Variants in SCFD1 observed in about 807,000 individuals in gnomAD.
SCFD1 encodes the protein sec1 family domain containing 1.
A neutral mutation model predicts 103.2 loss-of-function variants in SCFD1; 37 were observed. The observed-to-expected ratio is 0.36, with a 90% CI of 0.28 to 0.47. The LOEUF is 0.47. SCFD1 is among the 20% of genes least tolerant of loss of function. The probability of loss-of-function intolerance (pLI) is 1.00; values close to 1 mark genes in which losing one functional copy is unlikely to be tolerated. For missense variants in SCFD1, 639 were observed against 761.2 expected (o/e 0.84, Z 1.89); for synonymous variants, 264 against 245.0 (o/e 1.08, Z -0.73).
chr14:30,721,056 A>C (rs1892616883), intron 21 of SCFD1, among the ~76,000 whole-genome samples: 1 of 152,024 alleles, frequency 6.6e-6, no homozygotes, highest in African/African-American at 2.4e-5. Context: ...TATAAGTCTT[A>C]CCTCTCCTCA....
intron 4 of SCFD1, among the ~76,000 whole-genome samples, chr14:30,634,393 C>A (rs1884495888): frequency 6.6e-6 from 1 of 151,912 alleles, no homozygotes; most frequent in African/African-American, 2.4e-5. Context: ...TTTATAATTG[C>A]TCTATTTTAT....
chr14:30,651,167 A>G (rs2139104224), intron 9 of SCFD1, among the ~76,000 whole-genome samples: 1 of 152,296 alleles, frequency 6.6e-6, no homozygotes, highest in Non-Finnish European at 1.5e-5. Context: ...CTGATTGTTA[A>G]TAGTAATGGA....
intron 6 of SCFD1, among the ~76,000 whole-genome samples, chr14:30,642,862 T>C (rs1208794654): frequency 1.3e-5 from 2 of 152,174 alleles, no homozygotes; most frequent in Non-Finnish European, 2.9e-5. Context: ...TTAACAGATA[T>C]TTATTCATTT....
rs116666751 is a variant in SCFD1, at chr14:30,712,480, A to G, written c.1630-3444A>G. On this transcript the variant is annotated intron_variant, in intron 19 of 24. Transcript: ENST00000458591. The stretch of plus-strand genomic sequence containing the variant: ...AAACACTTCCCTATTTTGGTTATAG[A>G]ACTATATTATATTTCTTAGTTGTCT... Among the ~76,000 whole-genome samples the G allele has an allele frequency of 3.7e-3, 564 of 152,348 alleles. 7 individuals are homozygous for G. Among genetic ancestry groups the G allele is most frequent in the African/African-American group, 0.013 (534 of 41,588 alleles).
rs112203159 is a variant in SCFD1 at position 30,735,573 on chromosome 14, T to C, written c.1906-13T>C. ...TTTAAAAGTTTTATGTATGATTTTG[T>C]GTTTTGTTTTAGTTGTCACAACTTG... On this transcript the variant is annotated splice_polypyrimidine_tract_variant and intron_variant, in intron 24 of 24. Transcript: ENST00000458591. 1.3e-5 allele frequency: 20 copies of C among 1,568,836 alleles called. No individual in the cohort carries two copies. In the African/African-American group the frequency reaches 2.7e-4, roughly 21 times the overall value.
At chr14:30,676,673 T>C (rs577939612) in intron 14 of SCFD1, 1 of 152,218 alleles carries the variant, frequency 6.6e-6, no homozygotes, top group Admixed American at 6.5e-5. Context: ...TTGTGCTTTA[T>C]TGAGGAGGGA....
At chr14:30,690,576 A>G (rs904159577) in intron 14 of SCFD1, among the ~76,000 whole-genome samples, 3 of 137,868 alleles carry the variant, frequency 2.2e-5, no homozygotes, top group African/African-American at 9.2e-5. Flanking sequence ...CCGATTTTCC[A>G]GGTGCGTCCG....
intron 10 of SCFD1, among the ~76,000 whole-genome samples, chr14:30,654,483 G>A (rs940026495): frequency 2.0e-4 from 31 of 152,174 alleles, no homozygotes; most frequent in African/African-American, 7.2e-4. Flanking sequence ...AGACCAGCCT[G>A]GCCAACGTGG....
intron 20 of SCFD1, among the ~76,000 whole-genome samples, chr14:30,716,706 T>G (rs1328819665): frequency 6.6e-6 from 1 of 152,200 alleles, no homozygotes; most frequent in East Asian, 1.9e-4. Flanking sequence ...AGGCTTAGGA[T>G]TCCAATTCTA....
At chr14:30,722,443 G>A (rs757807143) in intron 22 of SCFD1, 51 bp from the exon 23 acceptor site, 1 of 1,346,344 alleles carries the variant, frequency 7.4e-7, no homozygotes, top group Non-Finnish European at 1.0e-6. Flanking sequence ...TTTAGAAGAG[G>A]TTTCAGACTA....
chr14:30,726,324 A>T (rs1893043322), intron 23 of SCFD1, among the ~76,000 whole-genome samples: 1 of 152,188 alleles, frequency 6.6e-6, no homozygotes, highest in Non-Finnish European at 1.5e-5. Flanking sequence ...ACAATTATTA[A>T]TCTAGTTATT....
intron 18 of SCFD1, 81 bp downstream of exon 18, chr14:30,705,966 GA>G: frequency 9.0e-7 from 1 of 1,108,522 alleles, no homozygotes; most frequent in Non-Finnish European, 1.3e-6. Context: ...CACAATGTCT[GA>G]TACTTTGAAT....
intron 23 of SCFD1, among the ~76,000 whole-genome samples, chr14:30,727,685 G>A (rs1893145682): frequency 6.6e-6 from 1 of 151,950 alleles, no homozygotes; most frequent in African/African-American, 2.4e-5. Context: ...TGAGAGTAAA[G>A]ACTTTTCCTC....
At chr14:30,727,401 A>G (rs1024710529) in intron 23 of SCFD1, among the ~76,000 whole-genome samples, 10 of 152,236 alleles carry the variant, frequency 6.6e-5, no homozygotes, top group African/African-American at 2.2e-4. Context: ...GATAAAACCA[A>G]TGGGAGCCAA....
At chr14:30,666,642 G>T (rs969419537) in intron 10 of SCFD1, among the ~76,000 whole-genome samples, 4 of 151,224 alleles carry the variant, frequency 2.6e-5, no homozygotes, top group African/African-American at 9.7e-5. Context: ...CAACAAAATT[G>T]ATAGACTGCT....
chr14:30,721,808 G>A (rs1209442685), intron 21 of SCFD1, 76 bp from the exon 22 acceptor site: 15 of 1,159,554 alleles, frequency 1.3e-5, no homozygotes, highest in Non-Finnish European at 1.9e-5. Context: ...GTGCATGTGT[G>A]TGTATTTCCC....
rs745895798 is a variant in SCFD1 at position 30,639,753 on chromosome 14, G to A, written c.436-24G>A. 11 of 1,546,322 alleles carry A rather than the reference G, an allele frequency of 7.1e-6. No individual in the cohort carries two copies. The South Asian group carries it at 1.2e-4, about 17-fold the overall frequency. On this transcript the variant is annotated intron_variant, in intron 5 of 24. Transcript: ENST00000458591. ...TATGGCTATATTGTAAGATTGATTT[G>A]TAAACCTTTTCTTTTGTTTCTAGGT...
In SCFD1 at chr14:30,649,575, G is replaced by A; in HGVS notation, c.661G>A (p.Val221Ile). 15 of 1,569,606 alleles carry A rather than the reference G, an allele frequency of 9.6e-6. No homozygotes were observed. The highest frequency in any genetic ancestry group is 1.3e-5 in the Non-Finnish European group (15 of 1,165,282). Residue 221 changes from valine to isoleucine, a missense_variant, in exon 8 of 25, where the codon GTA (valine) becomes ATA (isoleucine). Physicochemically the swap from Val to Ile is conservative, Grantham distance 29. Transcript: ENST00000458591. ...RCSRGTAAEM[V>I]AVKLDKKLRE... ...TTCAAGAGGAACAGCAGCAGAAATG[G>A]TAGCAGTGGTAAGTTCATGCGGATA...
intron 7 of SCFD1, among the ~76,000 whole-genome samples, chr14:30,649,126 G>T (rs960022674): frequency 1.3e-5 from 2 of 152,018 alleles, no homozygotes; most frequent in African/African-American, 4.8e-5. Context: ...TTTATTAATG[G>T]GAAGGTTCAT....
Sources: allele counts gnomAD v4.1 joint callset (sites outside exome capture counted in the v4.1 genomes callset), GRCh38; gene constraint gnomAD v4.1.1; transcripts MANE v1.5; gene names NCBI Gene and HGNC (gene_info 2026-07-23, HGNC 2026-07-21).